The following RNF150 variants were observed in gnomAD, a reference collection of about 807,000 sequenced individuals.
RNF150 encodes the protein ring finger protein 150.
Under a neutral mutation model 39.3 loss-of-function variants are expected in RNF150, and 24 were observed. The ratio of observed to expected loss-of-function variants is 0.61; its 90% CI spans 0.44 to 0.86. The LOEUF is 0.86. Ranked by LOEUF, RNF150 falls within the 40% of genes least tolerant of loss-of-function variation. The pLI is 0.00. For missense variants in RNF150, 502 were observed against 587.8 expected (o/e 0.85, Z 1.51); for synonymous variants, 255 against 227.3 (o/e 1.12, Z -1.10).
intron 1 of RNF150, among the ~76,000 whole-genome samples, chr4:141,074,561 G>C (rs150487806): frequency 6.6e-6 from 1 of 152,128 alleles, no homozygotes. Flanking sequence ...TAGAGGACTA[G>C]AGTAATAAAA....
chr4:140,935,947 C>T (rs958068497), intron 4 of RNF150, among the ~76,000 whole-genome samples: 5 of 152,192 alleles, frequency 3.3e-5, no homozygotes, highest in African/African-American at 1.2e-4. Context: ...CCAGTCAATA[C>T]CCACTCTCTG....
At chr4:141,189,569 G>C (rs765534976) in intron 1 of RNF150, among the ~76,000 whole-genome samples, 1 of 152,162 alleles carries the variant, frequency 6.6e-6, no homozygotes, top group African/African-American at 2.4e-5. Flanking sequence ...GACTGGGGCT[G>C]CTGCATTTCT....
Position 141,132,138 on chromosome 4 carries a change from A to T in RNF150, c.484+187T>A, listed in dbSNP as rs1284912254. Among the ~76,000 whole-genome samples, 1 of 152,136 alleles carries T rather than the reference A, an allele frequency of 6.6e-6. No homozygotes were observed. ...CGGCAGCCTCTCCCCTACCCAATAC[A>T]GTTAATCTTCTCCTCTTTGTAAACC... On this transcript the variant is annotated intron_variant, in intron 1 of 6. Transcript: ENST00000515673. This position sits in a 1 kb window ranked among gnomAD's most constrained non-coding sequence, Gnocchi z 4.9.
At chr4:141,081,290 C>T (rs1223017008) in intron 1 of RNF150, among the ~76,000 whole-genome samples, 1 of 152,186 alleles carries the variant, frequency 6.6e-6, no homozygotes, top group African/African-American at 2.4e-5. Flanking sequence ...AGTGCTCCAT[C>T]TTAACTTCAT....
intron 1 of RNF150, among the ~76,000 whole-genome samples, chr4:141,021,442 T>G (rs946342710): frequency 2.0e-5 from 3 of 152,210 alleles, no homozygotes; most frequent in Non-Finnish European, 2.9e-5. Flanking sequence ...TGTTGCTATC[T>G]GCTCACAAAC....
chr4:141,099,719 G>A (rs1053709526), intron 1 of RNF150, among the ~76,000 whole-genome samples: 1 of 152,062 alleles, frequency 6.6e-6, no homozygotes, highest in Non-Finnish European at 1.5e-5. Context: ...CTGAACACAA[G>A]GTTAGACCAG....
chr4:141,203,942 G>A (rs2111221106), intron 1 of RNF150, among the ~76,000 whole-genome samples: 1 of 152,144 alleles, frequency 6.6e-6, no homozygotes, highest in African/African-American at 2.4e-5. Flanking sequence ...AAGATGAGTA[G>A]GACCCAGCAG....
chr4:140,871,905 G>T (rs1728962039), intron 6 of RNF150, among the ~76,000 whole-genome samples: 1 of 152,192 alleles, frequency 6.6e-6, no homozygotes, highest in African/African-American at 2.4e-5. Context: ...ACTATACAGT[G>T]CAAGGCAAAG....
intron 6 of RNF150, among the ~76,000 whole-genome samples, chr4:140,879,612 C>T (rs751975932): frequency 2.0e-5 from 3 of 151,930 alleles, no homozygotes; most frequent in Non-Finnish European, 4.4e-5. Flanking sequence ...CACTTGAGTC[C>T]AGGAGTTCAA....
chr4:140,985,378 A>T (rs1467398156), intron 1 of RNF150, among the ~76,000 whole-genome samples: 2 of 152,144 alleles, frequency 1.3e-5, no homozygotes, highest in African/African-American at 4.8e-5. Flanking sequence ...CTGAAGGGAG[A>T]GTCAAGGATC....
In RNF150 at chr4:141,144,230, C is replaced by A. The variant is rs575002550; in HGVS notation, c.-6+68564G>T. On this transcript the variant is annotated intron_variant, in intron 1 of 7. Coordinates refer to the RNF150 transcript ENST00000420921. ...ATATGGATTGGATGTGAATTCCAAC[C>A]ACTATTTGATTAAATAAGACTTTGT... 2.6e-5 allele frequency among the ~76,000 whole-genome samples: 4 copies of A among 152,252 alleles called. No individual in the cohort carries two copies. In the South Asian group the frequency reaches 8.3e-4, roughly 32 times the overall value.
chr4:141,165,606 C>A (rs1478233433), intron 1 of RNF150, among the ~76,000 whole-genome samples: 1 of 152,178 alleles, frequency 6.6e-6, no homozygotes, highest in African/African-American at 2.4e-5. Flanking sequence ...GTCTCTCAGA[C>A]CACAGGGCAA....
chr4:141,192,403 T>C (rs973735681), intron 1 of RNF150, among the ~76,000 whole-genome samples: 2 of 152,216 alleles, frequency 1.3e-5, no homozygotes, highest in African/African-American at 4.8e-5. Context: ...CAATCTCTGC[T>C]TCATGGAGTT....
rs550413729 is a variant in RNF150, at chr4:140,881,963, T to C, written c.1199-13584A>G. 4.6e-5 allele frequency among the ~76,000 whole-genome samples: 7 copies of C among 152,294 alleles called. 1 individual carries two copies. In the South Asian group the frequency reaches 1.2e-3, roughly 27 times the overall value. Reference sequence around the variant, plus strand: ...ATTGATTTCTGGTTTCATTTCACTGTGGTTGGAAAAGATATTTCGTATGAT... The same window carrying C: ...ATTGATTTCTGGTTTCATTTCACTGCGGTTGGAAAAGATATTTCGTATGAT... On this transcript the variant is annotated intron_variant, in intron 6 of 6. Transcript: ENST00000515673.
chr4:140,971,400 C>T (rs1004301110), intron 1 of RNF150, among the ~76,000 whole-genome samples: 5 of 152,198 alleles, frequency 3.3e-5, no homozygotes, highest in Middle Eastern at 3.4e-3. Flanking sequence ...TAACAAATAG[C>T]ATATTTGGTA....
At chr4:141,130,606 TGTTCAAAGAAGTTGA>T (rs1726870245) in intron 1 of RNF150, among the ~76,000 whole-genome samples, 1 of 152,198 alleles carries the variant, frequency 6.6e-6, no homozygotes, top group African/African-American at 2.4e-5. Context: ...TCTTACTTTA[TGTTCAAAGAAGTTGA>T]GTTCAAGATT....
At chr4:141,039,536 G>A (rs1183526890) in intron 1 of RNF150, among the ~76,000 whole-genome samples, 1 of 151,986 alleles carries the variant, frequency 6.6e-6, no homozygotes, top group Non-Finnish European at 1.5e-5. Flanking sequence ...GGCAAAAGTG[G>A]GAATGTATTA....
intron 1 of RNF150, among the ~76,000 whole-genome samples, chr4:141,156,810 G>A (rs931290282): frequency 6.6e-6 from 1 of 151,794 alleles, no homozygotes; most frequent in Admixed American, 6.6e-5. Context: ...AGGAGGCTGA[G>A]GCATAAGAAT....
At chr4:141,195,442 C>T (rs1311179299) in intron 1 of RNF150, among the ~76,000 whole-genome samples, 4 of 152,074 alleles carry the variant, frequency 2.6e-5, no homozygotes, top group Non-Finnish European at 5.9e-5. Flanking sequence ...TTTCAATGCC[C>T]CTGACTACCT....
Sources: gnomAD v4.1 joint callset for allele counts (sites outside exome capture counted in the v4.1 genomes callset) on GRCh38, gnomAD v4.1.1 for gene constraint, Gnocchi (gnomAD v3.1) non-coding constraint, MANE v1.5 for transcripts, NCBI Gene and HGNC (gene_info 2026-07-23, HGNC 2026-07-21) for gene names.